The following GALNT17 variants were observed in gnomAD, a reference collection of about 807,000 sequenced individuals.
GALNT17 encodes UDP-GalNAc:polypeptide N-acetylgalactosaminyltransferase-like 3.
A neutral mutation model predicts 63.7 loss-of-function variants in GALNT17; 29 were observed. That is an observed-to-expected ratio of 0.46 (90% CI 0.34 to 0.62). The LOEUF is 0.62. Among genes scored for constraint, GALNT17 ranks in the 20% least tolerant of loss-of-function variants. GALNT17 has a pLI of 0.01. For synonymous variants in GALNT17, 305 were observed against 318.3 expected (o/e 0.96, Z 0.45); for missense variants, 603 against 799.6 (o/e 0.75, Z 2.97).
chr7:71,236,699 G>A (rs1583786523), intron 1 of GALNT17, among the ~76,000 whole-genome samples: 1 of 152,168 alleles, frequency 6.6e-6, no homozygotes, highest in African/African-American at 2.4e-5. Flanking sequence ...ATAGCAACAA[G>A]AACCAGAAAC....
chr7:71,166,887 G>A (rs954094392), intron 1 of GALNT17, among the ~76,000 whole-genome samples: 1 of 151,834 alleles, frequency 6.6e-6, no homozygotes, highest in Non-Finnish European at 1.5e-5. Flanking sequence ...TAGTAAGTGT[G>A]TATTTAACTG....
intron 1 of GALNT17, among the ~76,000 whole-genome samples, chr7:71,241,113 C>T (rs1176764832): frequency 6.6e-6 from 1 of 152,100 alleles, no homozygotes; most frequent in East Asian, 1.9e-4. Context: ...TCTGTAAGTT[C>T]TTTGAAAGTG....
intron 1 of GALNT17, among the ~76,000 whole-genome samples, chr7:71,198,103 C>T (rs539036317): frequency 6.7e-5 from 10 of 149,428 alleles, no homozygotes; most frequent in South Asian, 4.2e-4. Flanking sequence ...GAGGCTGAGG[C>T]AGGAGAATCG....
chr7:71,493,478 G>A (rs1788043180), intron 5 of GALNT17, among the ~76,000 whole-genome samples: 1 of 152,160 alleles, frequency 6.6e-6, no homozygotes, highest in Non-Finnish European at 1.5e-5. Context: ...TACGTGGCTG[G>A]AGAGGCCTCA....
Position 71,441,392 on chromosome 7 carries a change from C to T in GALNT17, c.962+20287C>T, listed in dbSNP as rs552284264. 4.5e-3 allele frequency among the ~76,000 whole-genome samples: 691 copies of T among 152,262 alleles called. 3 individuals carry two copies. The highest frequency in any genetic ancestry group is 7.1e-3 in the Non-Finnish European group (485 of 68,018). On this transcript the variant is annotated intron_variant, in intron 5 of 10. Transcript: ENST00000333538. The stretch of plus-strand genomic sequence containing the variant: ...TCTGCAGTACAGCATACACAAATGA[C>T]CATTTGTGGTTAACCACCCGGACAC...
chr7:71,379,297 G>A (rs1583904491), intron 2 of GALNT17, among the ~76,000 whole-genome samples: 1 of 152,282 alleles, frequency 6.6e-6, no homozygotes, highest in African/African-American at 2.4e-5. Flanking sequence ...AGGGAGAGGC[G>A]ATGAGGTTGG....
chr7:71,651,220 CAAA>C (rs71089971), intron 6 of GALNT17, among the ~76,000 whole-genome samples: 1 of 67,610 alleles, frequency 1.5e-5, no homozygotes. Context: ...GATGGGAGCA[CAAA>C]AAAAAAAAAA....
chr7:71,399,064 C>G (rs1237618128), intron 3 of GALNT17, among the ~76,000 whole-genome samples: 1 of 152,096 alleles, frequency 6.6e-6, no homozygotes, highest in Non-Finnish European at 1.5e-5. Context: ...GAAACCCCGT[C>G]TACGCTAAAA....
chr7:71,180,731 G>A (rs939987600), intron 1 of GALNT17, among the ~76,000 whole-genome samples: 2 of 152,142 alleles, frequency 1.3e-5, no homozygotes, highest in Admixed American at 1.3e-4. Flanking sequence ...GGAGACAAAA[G>A]TTCTCAGAGC....
rs1344719220 is a variant in GALNT17 at position 71,701,825 on chromosome 7, A to G, written c.1501-8936A>G. 5.4e-3 allele frequency among the ~76,000 whole-genome samples: 49 copies of G among 9,124 alleles called. 2 individuals are homozygous for G. Among genetic ancestry groups the G allele is most frequent in the African/African-American group, 9.0e-3 (45 of 5,024 alleles). 6.0% of individuals were successfully genotyped at this position (9,124 alleles called of 152,430 possible). A position where few individuals can be genotyped will look rare whatever the true frequency, so the allele number is the denominator to read the frequency against. On this transcript the variant is annotated intron_variant, in intron 9 of 10. Transcript: ENST00000333538. The stretch of plus-strand genomic sequence containing the variant: ...TGTGTATATATATATACACATATAT[A>G]TACACATATATATATGTGTATATAT...
At chr7:71,189,296 C>G (rs937150784) in intron 1 of GALNT17, among the ~76,000 whole-genome samples, 2 of 152,174 alleles carry the variant, frequency 1.3e-5, no homozygotes, top group African/African-American at 2.4e-5. Flanking sequence ...CCTCCCCAGC[C>G]ACATGGAATT....
At chr7:71,493,470 C>T (rs1047952815) in intron 5 of GALNT17, among the ~76,000 whole-genome samples, 2 of 152,094 alleles carry the variant, frequency 1.3e-5, no homozygotes, top group South Asian at 2.1e-4. Context: ...CACAGTTCTA[C>T]GTGGCTGGAG....
intron 1 of GALNT17, among the ~76,000 whole-genome samples, chr7:71,328,865 T>G (rs2116050485): frequency 6.6e-6 from 1 of 152,262 alleles, no homozygotes; most frequent in Non-Finnish European, 1.5e-5. Context: ...TCATTCCCTG[T>G]GTCTCCTTGG....
At chr7:71,215,183 T>C (rs1166613285) in intron 1 of GALNT17, among the ~76,000 whole-genome samples, 1 of 152,222 alleles carries the variant, frequency 6.6e-6, no homozygotes, top group Non-Finnish European at 1.5e-5. Flanking sequence ...AATCTTGTAG[T>C]TGTTCCATTT....
chr7:71,342,074 C>A (rs1792015106), intron 2 of GALNT17, among the ~76,000 whole-genome samples: 1 of 152,144 alleles, frequency 6.6e-6, no homozygotes, highest in African/African-American at 2.4e-5. Flanking sequence ...GGACTGTTTA[C>A]TGATTGTGTT....
chr7:71,504,097 G>A (rs1282764852), intron 5 of GALNT17, among the ~76,000 whole-genome samples: 5 of 151,952 alleles, frequency 3.3e-5, no homozygotes, highest in African/African-American at 7.3e-5. Flanking sequence ...GCATGGTGGC[G>A]GGAACCTGTA....
At chr7:71,144,838 C>G (rs1447469189) in intron 1 of GALNT17, among the ~76,000 whole-genome samples, 2 of 152,150 alleles carry the variant, frequency 1.3e-5, no homozygotes, top group East Asian at 1.9e-4. Flanking sequence ...AAGCAATTCT[C>G]CTGCCTCAGC....
chr7:71,235,474 A>T (rs2116455033), intron 1 of GALNT17, among the ~76,000 whole-genome samples: 1 of 152,276 alleles, frequency 6.6e-6, no homozygotes, highest in Non-Finnish European at 1.5e-5. Flanking sequence ...ATGAAATGAG[A>T]AATCTTTGTC....
intron 6 of GALNT17, among the ~76,000 whole-genome samples, chr7:71,642,967 C>T (rs537330552): frequency 6.6e-6 from 1 of 152,282 alleles, no homozygotes; most frequent in African/African-American, 2.4e-5. Flanking sequence ...TTTCTCTTAA[C>T]CCCCAGGTGT....
Sources: gnomAD v4.1 joint callset for allele counts (sites outside exome capture counted in the v4.1 genomes callset) on GRCh38, gnomAD v4.1.1 for gene constraint, MANE v1.5 for transcripts, NCBI Gene and HGNC (gene_info 2026-07-23, HGNC 2026-07-21) for gene names.